The following SLC39A7 variants were observed in gnomAD, a reference collection of about 807,000 sequenced individuals.
The protein encoded by SLC39A7 is solute carrier family 39 member 7.
SLC39A7 carries 25 observed loss-of-function variants against 39.7 expected under a neutral mutation model. The ratio of observed to expected loss-of-function variants is 0.63; its 90% CI spans 0.46 to 0.88. SLC39A7 has a LOEUF of 0.88. Among genes scored for constraint, SLC39A7 ranks in the 40% least tolerant of loss-of-function variants. The probability of loss-of-function intolerance (pLI) is 0.00; values close to 1 mark genes in which losing one functional copy is unlikely to be tolerated. For missense variants in SLC39A7, 501 were observed against 592.1 expected (o/e 0.85, Z 1.60); for synonymous variants, 181 against 234.1 (o/e 0.77, Z 2.07).
At chr6:33,203,474 G>C in intron 6 of SLC39A7, 67 bp from the exon 7 acceptor site, 1 of 1,556,220 alleles carries the variant, frequency 6.4e-7, no homozygotes, top group Non-Finnish European at 8.8e-7. Context: ...TACCCCACCA[G>C]CCACTTCTAA....
In SLC39A7 at chr6:33,203,581, C is replaced by T. The variant is rs1051530104; in HGVS notation, c.1178C>T (p.Ala393Val). 7 of 1,614,046 alleles carry T rather than the reference C, an allele frequency of 4.3e-6. No homozygotes were observed. Among genetic ancestry groups the T allele is most frequent in the Non-Finnish European group, 4.2e-6 (5 of 1,179,972 alleles). The change falls in exon 7 of 7, where the codon GCA becomes GTA. Residue 393 changes from alanine (A) to valine (V), a missense_variant. Physicochemically the swap from Ala to Val is moderately conservative, Grantham distance 64. Coordinates refer to ENST00000374677, the MANE Select transcript of SLC39A7 (RefSeq NM_006979.3). ...CTACTGACAGCAGTAGGGGCACTGG[C>T]AGGCACAGCCTGTGCCCTTCTCACT... ...LQLLTAVGAL[A>V]GTACALLTEG... is the part of the protein sequence containing the mutation.
Position 33,203,528 on chromosome 6 carries a change from T to C in SLC39A7, c.1138-13T>C. The C allele has an allele frequency of 6.2e-7, 1 of 1,613,758 alleles. No homozygotes were observed. Among genetic ancestry groups the C allele is most frequent in the Non-Finnish European group, 8.5e-7 (1 of 1,179,632 alleles). ...CTATTGGTGAGTGCCTTTTTCTCTT[T>C]TCTGCCCATCAGGCGATGCGTCTGC... On this transcript the variant is annotated splice_polypyrimidine_tract_variant and intron_variant, in intron 6 of 6. Transcript: ENST00000374677.
At position 33,202,984 on chromosome 6, in the gene SLC39A7, G is replaced by A; in HGVS notation, c.1015G>A (p.Ala339Thr). The A allele has an allele frequency of 6.2e-7, 1 of 1,612,490 alleles. No individual in the cohort carries two copies. Among genetic ancestry groups the A allele is most frequent in the Non-Finnish European group, 8.5e-7 (1 of 1,179,862 alleles). Residue 339 changes from alanine to threonine, a missense_variant, in exon 6 of 7, where the codon GCT (alanine) becomes ACT (threonine). Transcript: ENST00000374677. ...HNFTDGLAIG[A>T]SFRGGRGLGI... ...CTTCACTGATGGTCTGGCCATTGGG[G>A]CTTCCTTTCGAGGGGGCCGGGGACT...
chr6:33,203,543 G>A lies in SLC39A7; in HGVS notation c.1140G>A (p.Ala380=), dbSNP rs747172276. Residue 380 remains alanine, a splice_region_variant and synonymous_variant, in exon 7 of 7, where the codon GCG becomes GCA. Coordinates refer to ENST00000374677, the MANE Select transcript of SLC39A7 (RefSeq NM_006979.3). ...TTTTTCTCTTTTCTGCCCATCAGGC[G>A]ATGCGTCTGCAACTACTGACAGCAG... is the stretch of plus-strand genomic sequence containing the variant. The part of the protein sequence containing the change: ...LVQSGCSKKQ[A]MRLQLLTAVG... 3.7e-6 allele frequency: 6 copies of A among 1,613,932 alleles called. No homozygotes were observed. Among genetic ancestry groups the A allele is most frequent in the Admixed American group, 1.7e-5 (1 of 60,006 alleles).
chr6:33,202,567 T>C lies in SLC39A7; in HGVS notation c.807T>C (p.Ser269=), dbSNP rs1345324252. Residue 269 remains serine (S), a synonymous_variant, in exon 5 of 7, where the codon TCT becomes TCC. Transcript: ENST00000374677. ...GSHGHGRQER[S]TKEKQSSEEE... ...ACTCTTTTCTTCCCTCAGAGCGTTCTACCAAGGAGAAGCAGAGCTCAGAGG... is the reference window on the plus strand; with the variant it reads ...ACTCTTTTCTTCCCTCAGAGCGTTCCACCAAGGAGAAGCAGAGCTCAGAGG... 3.1e-6 allele frequency: 5 copies of C among 1,603,986 alleles called. No individual in the cohort carries two copies. Among genetic ancestry groups the C allele is most frequent in the Non-Finnish European group, 3.4e-6 (4 of 1,177,256 alleles).
At position 33,203,739 on chromosome 6, in the gene SLC39A7, T is replaced by C. The variant is rs530289508; in HGVS notation, c.1336T>C (p.Leu446=). 1.2e-5 allele frequency: 19 copies of C among 1,614,184 alleles called. No individual in the cohort carries two copies. The highest frequency in any genetic ancestry group is 4.5e-5 in the East Asian group (2 of 44,874). ...CGAGCTGCTGAGGGAGGCATCACCA[T>C]TGCAATCACTTCTGGAGGTGCTGGG... ...LPELLREASP[L]QSLLEVLGLL... The change falls in exon 7 of 7, where the codon TTG becomes CTG. Residue 446 remains leucine (L), a synonymous_variant. Transcript: ENST00000374677.
chr6:33,204,401 G>T lies in SLC39A7; in HGVS notation c.*588G>T, dbSNP rs1159633915. 6.7e-6 allele frequency: 4 copies of T among 596,712 alleles called. No individual in the cohort carries two copies. Among genetic ancestry groups the T allele is most frequent in the Non-Finnish European group, 1.2e-5 (4 of 334,490 alleles). 37.0% of individuals were successfully genotyped at this position (596,712 alleles called of 1,614,324 possible). Reference sequence around the variant, plus strand: ...TGTGTTTGAATCGAGGGGGAGGGGTGGTAACCGGAAATAAAGACCTCCGAT... The same window carrying T: ...TGTGTTTGAATCGAGGGGGAGGGGTTGTAACCGGAAATAAAGACCTCCGAT... On this transcript the variant is annotated 3_prime_UTR_variant, in exon 7 of 7. Transcript: ENST00000374677.
chr6:33,201,565 G>A lies in SLC39A7; in HGVS notation c.320G>A (p.Gly107Glu). The change falls in exon 1 of 7, where the codon GGA becomes GAA. Residue 107 changes from glycine (G) to glutamate (E), a missense_variant. Physicochemically the swap from Gly to Glu is moderately conservative, Grantham distance 98. Transcript: ENST00000374677. This position sits in a 1 kb window ranked among gnomAD's most constrained non-coding sequence, Gnocchi z 5.9. ...GAGAGCCTCTACCACAGAGGACATGGACATGACCATGAGCATAGCCATGGA... is the reference window on the plus strand; with the variant it reads ...GAGAGCCTCTACCACAGAGGACATGAACATGACCATGAGCATAGCCATGGA... ...SHESLYHRGHGHDHEHSHGGY... is the reference protein window; with the variant it reads ...SHESLYHRGHEHDHEHSHGGY... 6.2e-7 allele frequency: 1 copy of A among 1,614,128 alleles called. No individual in the cohort carries two copies. The highest frequency in any genetic ancestry group is 8.5e-7 in the Non-Finnish European group (1 of 1,179,992).
Position 33,203,862 on chromosome 6 carries a change from T to G in SLC39A7, c.*49T>G. ...CCAAACCTCTACCCCTAACTCCAGG[T>G]CAGGGGTGCGTAGAGGTTGGGGGCC... On this transcript the variant is annotated 3_prime_UTR_variant, in exon 7 of 7. Coordinates refer to ENST00000374677, the MANE Select transcript of SLC39A7 (RefSeq NM_006979.3). 1 of 1,596,592 alleles carries G rather than the reference T, an allele frequency of 6.3e-7. No homozygotes were observed. The highest frequency in any genetic ancestry group is 8.6e-7 in the Non-Finnish European group (1 of 1,166,754).
In SLC39A7 at chr6:33,202,235, CT is replaced by C. The variant is rs757433468; in HGVS notation, c.635-26del. 6.2e-6 allele frequency: 10 copies of C among 1,604,450 alleles called. No individual in the cohort carries two copies. The African/African-American group carries it at 9.4e-5, about 15-fold the overall frequency. On this transcript the variant is annotated intron_variant, in intron 3 of 6. Transcript: ENST00000374677. ...GGAGGAGTCTGGAATGCACATCTCCCTTAATGTCTCAATGCCTCCATTCCCA... is the reference window on the plus strand; with the variant it reads ...GGAGGAGTCTGGAATGCACATCTCCCTAATGTCTCAATGCCTCCATTCCCA...
chr6:33,202,229 A>G (rs1480801081), intron 3 of SLC39A7, 34 bp from the exon 4 acceptor site: 30 of 1,601,994 alleles, frequency 1.9e-5, no homozygotes, highest in African/African-American at 4.0e-5. Context: ...TGGAATGCAC[A>G]TCTCCCTTAA....
chr6:33,203,748 C>A lies in SLC39A7; in HGVS notation c.1345C>A (p.Leu449Ile), dbSNP rs1242816991. The stretch of plus-strand genomic sequence containing the variant: ...GAGGGAGGCATCACCATTGCAATCA[C>A]TTCTGGAGGTGCTGGGGCTGCTGGG... ...LLREASPLQS[L>I]LEVLGLLGGV... Residue 449 changes from leucine (L) to isoleucine (I), a missense_variant, in exon 7 of 7, where the codon CTT (leucine) becomes ATT (isoleucine). Physicochemically the swap from Leu to Ile is conservative, Grantham distance 5. Transcript: ENST00000374677. 6.2e-7 allele frequency: 1 copy of A among 1,614,216 alleles called. No individual in the cohort carries two copies. Among genetic ancestry groups the A allele is most frequent in the Non-Finnish European group, 8.5e-7 (1 of 1,180,032 alleles).
chr6:33,201,685 G>C lies in SLC39A7; in HGVS notation c.411+29G>C. On this transcript the variant is annotated intron_variant, in intron 1 of 6. Transcript: ENST00000374677. This position sits in a 1 kb window ranked among gnomAD's most constrained non-coding sequence, Gnocchi z 5.9. ...AGTCTCCAGGGGATGGGAGAGAGAA[G>C]GGCTGGTTCTGGATTGTTGGGAAAC... is the stretch of plus-strand genomic sequence containing the variant. 6.2e-7 allele frequency: 1 copy of C among 1,610,992 alleles called. No homozygotes were observed. The highest frequency in any genetic ancestry group is 8.5e-7 in the Non-Finnish European group (1 of 1,177,678).
chr6:33,202,667 C>A lies in SLC39A7; in HGVS notation c.907C>A (p.Pro303Thr), dbSNP rs1394229207. 1.9e-6 allele frequency: 3 copies of A among 1,604,356 alleles called. No homozygotes were observed. In the Admixed American group the frequency reaches 5.2e-5, roughly 28 times the overall value. ...STVPKDGPVRPQNAEEEKRGL... is the reference protein window; with the variant it reads ...STVPKDGPVRTQNAEEEKRGL... ...AGTACCCAAAGATGGGCCAGTGAGA[C>A]CTCAGAACGCTGAAGAAGAAAAAAG... The change falls in exon 5 of 7, where the codon CCT (proline) becomes ACT (threonine). Residue 303 changes from proline (P) to threonine (T), a missense_variant. Transcript: ENST00000374677.
intron 3 of SLC39A7, 22 bp from the exon 4 acceptor site, chr6:33,202,241 G>A: frequency 1.9e-6 from 3 of 1,607,234 alleles, no homozygotes; most frequent in Non-Finnish European, 2.6e-6. Flanking sequence ...CTCCCTTAAT[G>A]TCTCAATGCC....
chr6:33,201,748 C>T lies in SLC39A7; in HGVS notation c.415C>T (p.Leu139=), dbSNP rs1774584584. Residue 139 remains leucine (L), a synonymous_variant, in exon 2 of 7, where the codon CTG becomes TTG. Transcript: ENST00000374677. This position sits in a 1 kb window ranked among gnomAD's most constrained non-coding sequence, Gnocchi z 5.9. ...GACCTTGACTCTCCCTCACCAGGCA[C>T]TGGGGGCCACAGTGCTGATCTCAGC... ...LDAVTLWAYA[L]GATVLISAAP... is the part of the protein sequence containing the mutation. 1 of 1,614,140 alleles carries T rather than the reference C, an allele frequency of 6.2e-7. No individual in the cohort carries two copies. Among genetic ancestry groups the T allele is most frequent in the Non-Finnish European group, 8.5e-7 (1 of 1,180,036 alleles).
Position 33,201,599 on chromosome 6 carries a change from G to A in SLC39A7, c.354G>A (p.Gly118=), listed in dbSNP as rs1196001194. 6.2e-7 allele frequency: 1 copy of A among 1,613,382 alleles called. No individual in the cohort carries two copies. Residue 118 remains glycine (G), a synonymous_variant, in exon 1 of 7, where the codon GGG becomes GGA. Transcript: ENST00000374677. This position sits in a 1 kb window ranked among gnomAD's most constrained non-coding sequence, Gnocchi z 5.9. ...ATGAGCATAGCCATGGAGGCTATGG[G>A]GAGTCTGGGGCTCCAGGCATCAAGC... ...HDHEHSHGGY[G]ESGAPGIKQD...
Position 33,201,675 on chromosome 6 carries a change from G to GGA in SLC39A7, c.411+26_411+27dup, listed in dbSNP as rs374951183. ...GGCTTATGTGAGTCTCCAGGGGATGGGAGAGAGAAGGGCTGGTTCTGGATT... is the reference window on the plus strand; with the variant it reads ...GGCTTATGTGAGTCTCCAGGGGATGGGAGAGAGAGAAGGGCTGGTTCTGGATT... On this transcript the variant is annotated intron_variant, in intron 1 of 6. Transcript: ENST00000374677. The surrounding 1 kb of genome is among the most constrained non-coding windows in gnomAD (Gnocchi z 5.9). 16 of 1,610,888 alleles carry GGA rather than the reference G, an allele frequency of 9.9e-6. No homozygotes were observed. In the African/African-American group the frequency reaches 1.9e-4, roughly 19 times the overall value.
In SLC39A7 at chr6:33,201,630, C is replaced by G; in HGVS notation, c.385C>G (p.Leu129Val). Residue 129 changes from leucine (L) to valine (V), a missense_variant, in exon 1 of 7, where the codon CTG (leucine) becomes GTG (valine). Physicochemically the swap from Leu to Val is conservative, Grantham distance 32. Coordinates refer to ENST00000374677, the MANE Select transcript of SLC39A7 (RefSeq NM_006979.3). The surrounding 1 kb of genome is among the most constrained non-coding windows in gnomAD (Gnocchi z 5.9). The stretch of plus-strand genomic sequence containing the variant: ...TGGGGCTCCAGGCATCAAGCAGGAC[C>G]TGGATGCTGTCACTCTCTGGGCTTA... ...ESGAPGIKQDLDAVTLWAYAL... is the reference protein window; with the variant it reads ...ESGAPGIKQDVDAVTLWAYAL... 1 of 1,611,604 alleles carries G rather than the reference C, an allele frequency of 6.2e-7. No individual in the cohort carries two copies. The highest frequency in any genetic ancestry group is 1.3e-5 in the African/African-American group (1 of 74,966).
Sources: allele counts gnomAD v4.1 joint callset, GRCh38; gene constraint gnomAD v4.1.1; non-coding constraint Gnocchi (gnomAD v3.1); transcripts MANE v1.5; gene names NCBI Gene and HGNC (gene_info 2026-07-23, HGNC 2026-07-21).